AFF2: variants seen among roughly 807,000 people sequenced by gnomAD.
AFF2 encodes ALF transcription elongation factor 2.
A neutral mutation model predicts 76.9 loss-of-function variants in AFF2; 14 were observed. That is an observed-to-expected ratio of 0.18 (90% CI 0.12 to 0.28). The LOEUF is 0.28. AFF2 is among the 10% of genes least tolerant of loss of function. The pLI is 1.00. For synonymous variants in AFF2, 398 were observed against 366.7 expected, an observed-to-expected ratio of 1.09 and a Z score of -0.98; for missense variants, 868 against 1,001.1, an observed-to-expected ratio of 0.87 and a Z score of 1.79.
At chrX:148,633,135 A>G (rs1481990778) in intron 1 of AFF2, among the ~76,000 whole-genome samples, 1 of 111,702 alleles carries the variant, frequency 9.0e-6, no homozygotes. Flanking sequence ...TCCAGGAGTA[A>G]TGTGAAAAAA....
chrX:148,679,227 G>T (rs977515845), intron 3 of AFF2, among the ~76,000 whole-genome samples: 17 of 103,157 alleles, frequency 1.6e-4, no homozygotes, highest in Middle Eastern at 9.5e-3. Context: ...AACCATACTA[G>T]ATGACTGCTA....
rs1422593339 is a variant in AFF2 at position 148,995,481 on chromosome X, G to A, written c.*4149G>A. On this transcript the variant is annotated 3_prime_UTR_variant, in exon 21 of 21. Coordinates refer to ENST00000370460, the MANE Select transcript of AFF2 (RefSeq NM_002025.4). The stretch of plus-strand genomic sequence containing the variant: ...TGTGGGGAGGGCAGAAAGGGGGTGG[G>A]GGTGGGGGCGGGGGGGTGGGGGGTG... The A allele has an allele frequency of 2.1e-5, 2 of 96,876 alleles. No homozygotes were observed. Among genetic ancestry groups the A allele is most frequent in the African/African-American group, 3.9e-5 (1 of 25,591 alleles). The allele number at this position is 96,876 out of a possible 1,213,427, so 8.0% of individuals were successfully genotyped here.
At chrX:148,707,882 C>T (rs59314220) in intron 3 of AFF2, among the ~76,000 whole-genome samples, 7,003 of 111,458 alleles carry the variant, frequency 0.063, 549 homozygotes, top group African/African-American at 0.22. Flanking sequence ...CTAAGAATAG[C>T]TCATATTTAA....
chrX:148,976,836 C>T (rs1489836626), intron 16 of AFF2, among the ~76,000 whole-genome samples: 1 of 112,609 alleles, frequency 8.9e-6, no homozygotes, highest in African/African-American at 3.2e-5. Context: ...ATAAAAATTC[C>T]TTTGCTTAAT....
chrX:148,513,519 C>T (rs1352110796), intron 1 of AFF2, among the ~76,000 whole-genome samples: 2 of 111,423 alleles, frequency 1.8e-5, no homozygotes, highest in African/African-American at 6.5e-5. Flanking sequence ...ACTTGCACAC[C>T]AAAATTAGAA....
intron 4 of AFF2, among the ~76,000 whole-genome samples, chrX:148,833,609 A>AAAAAT (rs1167648008): frequency 2.7e-4 from 30 of 109,980 alleles, no homozygotes; most frequent in African/African-American, 8.9e-4. Flanking sequence ...CTCAAAAAAA[A>AAAAAT]AAAAAATAAA....
At chrX:148,912,291 AC>A (rs1370632793) in intron 9 of AFF2, among the ~76,000 whole-genome samples, 46 of 108,873 alleles carry the variant, frequency 4.2e-4, no homozygotes, top group Non-Finnish European at 8.4e-4. Flanking sequence ...CTAGCCCTCC[AC>A]CCCCCCATCA....
intron 2 of AFF2, among the ~76,000 whole-genome samples, chrX:148,657,946 C>T (rs782541102): frequency 8.9e-6 from 1 of 111,841 alleles, no homozygotes; most frequent in East Asian, 2.8e-4. Flanking sequence ...AATGAGAGTA[C>T]ATTGTGTAGG....
chrX:148,518,351 C>T (rs1198305091), intron 1 of AFF2, among the ~76,000 whole-genome samples: 1 of 112,043 alleles, frequency 8.9e-6, no homozygotes, highest in Non-Finnish European at 1.9e-5. Flanking sequence ...ATTGTATTTA[C>T]TTGGGCGGTG....
intron 1 of AFF2, among the ~76,000 whole-genome samples, chrX:148,601,164 A>C (rs1171958598): frequency 8.9e-6 from 1 of 112,627 alleles, no homozygotes; most frequent in Admixed American, 9.4e-5. Context: ...TTTCAATTAT[A>C]GATGTAGCAC....
At chrX:148,616,615 G>A (rs782459524) in intron 1 of AFF2, among the ~76,000 whole-genome samples, 1 of 109,557 alleles carries the variant, frequency 9.1e-6, no homozygotes, top group East Asian at 2.9e-4. Flanking sequence ...GGGTACATGT[G>A]CACAACGTGA....
At chrX:148,931,969 A>G (rs1432614325) in intron 9 of AFF2, among the ~76,000 whole-genome samples, 1 of 111,935 alleles carries the variant, frequency 8.9e-6, no homozygotes, top group African/African-American at 3.2e-5. Flanking sequence ...CATCCTCAGT[A>G]TGGCAGATAT....
chrX:148,673,661 T>A (rs2054449029), intron 3 of AFF2, among the ~76,000 whole-genome samples: 1 of 111,965 alleles, frequency 8.9e-6, no homozygotes, highest in African/African-American at 3.3e-5. Context: ...CAACCCTGTA[T>A]AAGAGAGGTC....
At chrX:148,785,484 A>G (rs1437178109) in intron 3 of AFF2, among the ~76,000 whole-genome samples, 1 of 111,845 alleles carries the variant, frequency 8.9e-6, no homozygotes, top group Non-Finnish European at 1.9e-5. Context: ...CTTGGTGCAC[A>G]GCATTAGTAA....
At chrX:148,607,111 CAG>C (rs2053679685) in intron 1 of AFF2, among the ~76,000 whole-genome samples, 1 of 111,279 alleles carries the variant, frequency 9.0e-6, no homozygotes, top group South Asian at 3.7e-4. Flanking sequence ...GATGAGGAAA[CAG>C]AATCTCATAA....
chrX:148,809,734 C>T, intron 3 of AFF2, 142 bp from the exon 4 acceptor site: 1 of 548,641 alleles, frequency 1.8e-6, no homozygotes, highest in Non-Finnish European at 2.9e-6. Flanking sequence ...CAAAATTAGT[C>T]ATTTGCAGAT....
intron 3 of AFF2, among the ~76,000 whole-genome samples, chrX:148,722,230 C>T (rs1406465402): frequency 9.0e-6 from 1 of 111,059 alleles, no homozygotes; most frequent in Admixed American, 9.6e-5. Flanking sequence ...GGAACAACAA[C>T]AACAACAACA....
intron 1 of AFF2, among the ~76,000 whole-genome samples, chrX:148,527,214 G>A (rs1421438186): frequency 1.8e-5 from 2 of 111,745 alleles, no homozygotes; most frequent in Non-Finnish European, 3.8e-5. Flanking sequence ...CACTTTTGTG[G>A]CATTTCTGCC....
At chrX:148,562,231 T>C (rs1446550778) in intron 1 of AFF2, among the ~76,000 whole-genome samples, 1 of 112,399 alleles carries the variant, frequency 8.9e-6, no homozygotes, top group African/African-American at 3.2e-5. Context: ...GTCAAGTCGC[T>C]TTGGCATCAC....
Sources: allele counts gnomAD v4.1 joint callset (sites outside exome capture counted in the v4.1 genomes callset), GRCh38; gene constraint gnomAD v4.1.1; transcripts MANE v1.5; gene names NCBI Gene and HGNC (gene_info 2026-07-23, HGNC 2026-07-21).